Variants in MANEAL observed in about 807,000 individuals in gnomAD.
MANEAL encodes glycoprotein endo-alpha-1,2-mannosidase-like protein.
In MANEAL, 28 loss-of-function variants were observed where a neutral mutation model predicts 35.9. The ratio of observed to expected loss-of-function variants is 0.78; its 90% CI spans 0.58 to 1.07. MANEAL has a LOEUF of 1.07. Ranked by LOEUF, MANEAL falls within the 50% of genes least tolerant of loss-of-function variation. MANEAL has a pLI of 0.00. For missense variants in MANEAL, 576 were observed against 629.6 expected (o/e 0.91, Z 0.91); for synonymous variants, 286 against 272.2 (o/e 1.05, Z -0.50).
At position 37,794,305 on chromosome 1, in the gene MANEAL, C is replaced by T. The variant is rs1354392862; in HGVS notation, c.123C>T (p.Gly41=). ...APDGLPALGP[G]LELAPFERRP... ...ACGGACTCCCGGCGCTGGGCCCGGG[C>T]CTGGAGCTGGCGCCCTTTGAGCGAC... Residue 41 remains glycine, a synonymous_variant, in exon 1 of 4, where the codon GGC becomes GGT. Coordinates refer to ENST00000373045, the MANE Select transcript of MANEAL (RefSeq NM_001113482.2). The surrounding 1 kb of genome is among the most constrained non-coding windows in gnomAD (Gnocchi z 5.7). The T allele has an allele frequency of 1.7e-6, 2 of 1,187,160 alleles. No individual in the cohort carries two copies. Among genetic ancestry groups the T allele is most frequent in the Non-Finnish European group, 2.1e-6 (2 of 953,122 alleles). The allele number at this position is 1,187,160 out of a possible 1,614,324, so 73.5% of individuals were successfully genotyped here.
In MANEAL at chr1:37,794,434, T is replaced by C; in HGVS notation, c.252T>C (p.Pro84=). The C allele has an allele frequency of 6.0e-6, 9 of 1,505,174 alleles. No individual in the cohort carries two copies. The highest frequency in any genetic ancestry group is 8.0e-6 in the Non-Finnish European group (9 of 1,122,744). The allele number at this position is 1,505,174 out of a possible 1,614,324, so 93.2% of individuals were successfully genotyped here. A position where few individuals can be genotyped will look rare whatever the true frequency, so the allele number is the denominator to read the frequency against. Residue 84 remains proline (P), a synonymous_variant, in exon 1 of 4, where the codon CCT becomes CCC. Coordinates refer to ENST00000373045, the MANE Select transcript of MANEAL (RefSeq NM_001113482.2). The surrounding 1 kb of genome is among the most constrained non-coding windows in gnomAD (Gnocchi z 5.7). ...GCACCGCGGACCCTGGCGGCTCCCC[T>C]GGGCCGGCACCCGCGGAGGCCGAGC... The part of the protein sequence containing the change: ...PPRTADPGGS[P]GPAPAEAEPA...
intron 2 of MANEAL, 24 bp from the exon 3 acceptor site, chr1:37,796,720 C>T (rs1646647927): frequency 6.3e-7 from 1 of 1,591,818 alleles, no homozygotes; most frequent in Non-Finnish European, 8.6e-7. Context: ...ACTCACCTGA[C>T]CATTACTCCT....
chr1:37,794,864 C>T lies in MANEAL; in HGVS notation c.550+132C>T. The T allele has an allele frequency of 4.8e-6, 3 of 627,434 alleles. No individual in the cohort carries two copies. The highest frequency in any genetic ancestry group is 2.0e-5 in the South Asian group (1 of 49,826). The allele number at this position is 627,434 out of a possible 1,614,324, so 38.9% of individuals were successfully genotyped here. Reference sequence around the variant, plus strand: ...CCGCCAGCCTGGCTTCTTAGCTGTTCCCTCCCACTCTCATCCTGGGCCCAC... The same window carrying T: ...CCGCCAGCCTGGCTTCTTAGCTGTTTCCTCCCACTCTCATCCTGGGCCCAC... On this transcript the variant is annotated intron_variant, in intron 1 of 3. Transcript: ENST00000373045. The surrounding 1 kb of genome is among the most constrained non-coding windows in gnomAD (Gnocchi z 5.7).
rs867824705 is a variant in MANEAL at position 37,799,923 on chromosome 1, C to A, written c.1094C>A (p.Thr365Asn). The stretch of plus-strand genomic sequence containing the variant: ...AGTGTGGGGCCTGGCTACATAGACA[C>A]CAGCATTCGGCCCTGGAACAACCAC... ...IPSVGPGYID[T>N]SIRPWNNHNT... The change falls in exon 4 of 4, where the codon ACC becomes AAC. Residue 365 changes from threonine to asparagine, a missense_variant. Physicochemically the swap from Thr to Asn is moderately conservative, Grantham distance 65. This residue lies in a region of MANEAL where 449 missense variants were observed against 516.1 expected (regional missense o/e 0.87). Transcript: ENST00000373045. The surrounding 1 kb of genome is among the most constrained non-coding windows in gnomAD (Gnocchi z 4.1). The A allele has an allele frequency of 6.2e-7, 1 of 1,614,228 alleles. No homozygotes were observed. The highest frequency in any genetic ancestry group is 1.1e-5 in the South Asian group (1 of 91,084).
chr1:37,795,386 G>T, intron 1 of MANEAL: 1 of 575,314 alleles, frequency 1.7e-6, no homozygotes, highest in Non-Finnish European at 2.3e-6. Flanking sequence ...CATGCGGGAC[G>T]TTAGGGTTAG....
Position 37,799,651 on chromosome 1 carries a change from G to C in MANEAL, c.822G>C (p.Leu274=), listed in dbSNP as rs757524640. The change falls in exon 4 of 4, where the codon CTG becomes CTC. Residue 274 remains leucine, a synonymous_variant. Transcript: ENST00000373045. This position sits in a 1 kb window ranked among gnomAD's most constrained non-coding sequence, Gnocchi z 4.1. ...LPLFYIYDSY[L]TSPEAWAHLL... ...TCTTTTATATCTACGACTCATACCT[G>C]ACGTCCCCTGAGGCCTGGGCCCACC... 1.9e-6 allele frequency: 3 copies of C among 1,614,164 alleles called. No homozygotes were observed. Among genetic ancestry groups the C allele is most frequent in the Non-Finnish European group, 2.5e-6 (3 of 1,180,042 alleles).
rs941542507 is a variant in MANEAL at position 37,800,923 on chromosome 1, C to T, written c.*720C>T. ...GGTGTTTTTCTTTTTGCAGTTTTAC[C>T]TAGTGCTGGGAGTTCAGTTCTTTTT... On this transcript the variant is annotated 3_prime_UTR_variant, in exon 4 of 4. Coordinates refer to ENST00000373045, the MANE Select transcript of MANEAL (RefSeq NM_001113482.2). 29 of 152,694 alleles carry T rather than the reference C, an allele frequency of 1.9e-4. No homozygotes were observed. Among genetic ancestry groups the T allele is most frequent in the African/African-American group, 5.3e-4 (22 of 41,542 alleles). 9.5% of individuals were successfully genotyped at this position (152,694 alleles called of 1,614,324 possible).
At position 37,797,261 on chromosome 1, in the gene MANEAL, C is replaced by T. The variant is rs564126703; in HGVS notation, c.737+441C>T. Among the ~76,000 whole-genome samples the T allele has an allele frequency of 2.4e-4, 36 of 151,790 alleles. No individual in the cohort carries two copies. The East Asian group carries it at 5.3e-3, about 23-fold the overall frequency. On this transcript the variant is annotated intron_variant, in intron 3 of 3. Transcript: ENST00000373045. Reference sequence around the variant, plus strand: ...ACTAAAAATAAAAAAATTAGCCAGGCGTGGTGGCGCACACCTGTAATCCCA... The same window carrying T: ...ACTAAAAATAAAAAAATTAGCCAGGTGTGGTGGCGCACACCTGTAATCCCA...
intron 3 of MANEAL, 112 bp downstream of exon 3, chr1:37,796,932 C>T: frequency 1.9e-6 from 2 of 1,063,238 alleles, no homozygotes; most frequent in South Asian, 1.5e-5. Context: ...TGTTTCCCAG[C>T]AGCTGTTTTA....
rs777986014 is a variant in MANEAL at position 37,799,579 on chromosome 1, T to C, written c.750T>C (p.His250=). 6.2e-6 allele frequency: 10 copies of C among 1,613,216 alleles called. No homozygotes were observed. In the South Asian group the frequency reaches 7.7e-5, roughly 12 times the overall value. ...IKYIIDTYGS[H]GAFYRYKNSM... is the part of the protein sequence containing the mutation. Reference sequence around the variant, plus strand: ...TTCTCCTTCTCAGGTATGGCTCCCATGGTGCATTTTACCGCTATAAGAACA... The same window carrying C: ...TTCTCCTTCTCAGGTATGGCTCCCACGGTGCATTTTACCGCTATAAGAACA... The change falls in exon 4 of 4, where the codon CAT becomes CAC. Residue 250 remains histidine (H), a synonymous_variant. Coordinates refer to ENST00000373045, the MANE Select transcript of MANEAL (RefSeq NM_001113482.2). The surrounding 1 kb of genome is among the most constrained non-coding windows in gnomAD (Gnocchi z 4.1).
chr1:37,799,486 C>T lies in MANEAL; in HGVS notation c.738-81C>T. The T allele has an allele frequency of 1.4e-6, 2 of 1,474,372 alleles. No homozygotes were observed. Among genetic ancestry groups the T allele is most frequent in the Non-Finnish European group, 1.8e-6 (2 of 1,095,398 alleles). 91.3% of individuals were successfully genotyped at this position (1,474,372 alleles called of 1,614,324 possible). ...CTGGCTCCAGAACTGGGCTGTGTTG[C>T]ATCCGTATCTCATCCACGGGAGGTC... On this transcript the variant is annotated intron_variant, in intron 3 of 3. Transcript: ENST00000373045. This position sits in a 1 kb window ranked among gnomAD's most constrained non-coding sequence, Gnocchi z 4.1.
intron 1 of MANEAL, 77 bp from the exon 2 acceptor site, chr1:37,795,660 A>G (rs1646639382): frequency 1.9e-6 from 3 of 1,593,432 alleles, no homozygotes; most frequent in Admixed American, 3.5e-5. Context: ...TTGCAATTGG[A>G]GATGTTTGTG....
chr1:37,794,962 C>G lies in MANEAL; in HGVS notation c.550+230C>G, dbSNP rs1646632832. ...CCTTCCATCCCTAACATCCAGGGCC[C>G]TTCCCATAGGGCGGAACTGCTAGGA... On this transcript the variant is annotated intron_variant, in intron 1 of 3. Coordinates refer to ENST00000373045, the MANE Select transcript of MANEAL (RefSeq NM_001113482.2). The surrounding 1 kb of genome is among the most constrained non-coding windows in gnomAD (Gnocchi z 5.7). Among the ~76,000 whole-genome samples, 1 of 152,232 alleles carries G rather than the reference C, an allele frequency of 6.6e-6. No individual in the cohort carries two copies. Among genetic ancestry groups the G allele is most frequent in the African/African-American group, 2.4e-5 (1 of 41,466 alleles).
Position 37,799,509 on chromosome 1 carries a change from G to T in MANEAL, c.738-58G>T. Reference sequence around the variant, plus strand: ...TGCATCCGTATCTCATCCACGGGAGGTCCTACAGCTGTGCTGGTCTCTCCC... The same window carrying T: ...TGCATCCGTATCTCATCCACGGGAGTTCCTACAGCTGTGCTGGTCTCTCCC... On this transcript the variant is annotated intron_variant, in intron 3 of 3. Coordinates refer to ENST00000373045, the MANE Select transcript of MANEAL (RefSeq NM_001113482.2). The surrounding 1 kb of genome is among the most constrained non-coding windows in gnomAD (Gnocchi z 4.1). The T allele has an allele frequency of 6.4e-7, 1 of 1,553,664 alleles. No homozygotes were observed. Among genetic ancestry groups the T allele is most frequent in the Non-Finnish European group, 8.7e-7 (1 of 1,148,946 alleles).
chr1:37,795,554 C>A lies in MANEAL; in HGVS notation c.551-183C>A, dbSNP rs536946589. 2.1e-6 allele frequency: 3 copies of A among 1,413,848 alleles called. No homozygotes were observed. In the African/African-American group the frequency reaches 4.3e-5, roughly 20 times the overall value. 87.6% of individuals were successfully genotyped at this position (1,413,848 alleles called of 1,614,324 possible). A position where few individuals can be genotyped will look rare whatever the true frequency, so the allele number is the denominator to read the frequency against. ...TCCCGCAGGCGCTCCGCTTCAGCAC[C>A]GCGGGCGTGGACAGCTCCGGGGCGC... On this transcript the variant is annotated intron_variant, in intron 1 of 3. Coordinates refer to ENST00000373045, the MANE Select transcript of MANEAL (RefSeq NM_001113482.2).
rs1175659739 is a variant in MANEAL at position 37,801,005 on chromosome 1, G to T, written c.*802G>T. ...CTAATTTTTCCCAGATGCATATTTAGCTCTAGGGAGAGGACTAGGAGGAAA... is the reference window on the plus strand; with the variant it reads ...CTAATTTTTCCCAGATGCATATTTATCTCTAGGGAGAGGACTAGGAGGAAA... On this transcript the variant is annotated 3_prime_UTR_variant, in exon 4 of 4. Transcript: ENST00000373045. 1 of 152,576 alleles carries T rather than the reference G, an allele frequency of 6.6e-6. No individual in the cohort carries two copies. Among genetic ancestry groups the T allele is most frequent in the African/African-American group, 2.4e-5 (1 of 41,420 alleles). The allele number at this position is 152,576 out of a possible 1,614,324, so 9.5% of individuals were successfully genotyped here.
At chr1:37,795,988 G>A in intron 2 of MANEAL, 142 bp downstream of exon 2, 2 of 674,590 alleles carry the variant, frequency 3.0e-6, no homozygotes, top group Non-Finnish European at 5.0e-6. Flanking sequence ...TGGTTTTGGG[G>A]GAGGGTTCAG....
intron 1 of MANEAL, 126 bp from the exon 2 acceptor site, chr1:37,795,611 C>T: frequency 6.6e-7 from 1 of 1,519,792 alleles, no homozygotes; most frequent in South Asian, 1.3e-5. Flanking sequence ...AGGAAGTGAA[C>T]CTGGCAGGAG....
intron 3 of MANEAL, among the ~76,000 whole-genome samples, chr1:37,798,783 A>G (rs1646668780): frequency 1.3e-5 from 2 of 152,110 alleles, no homozygotes; most frequent in Non-Finnish European, 2.9e-5. Flanking sequence ...TCACACCTGT[A>G]ATCCCAGCAC....
Sources: gnomAD v4.1 joint callset for allele counts (sites outside exome capture counted in the v4.1 genomes callset) on GRCh38, gnomAD v4.1.1 for gene constraint, gnomAD v4.1.1 regional missense constraint, Gnocchi (gnomAD v3.1) non-coding constraint, MANE v1.5 for transcripts, NCBI Gene and HGNC (gene_info 2026-07-23, HGNC 2026-07-21) for gene names.